Variants in C1orf21 observed in about 807,000 individuals in gnomAD.
C1orf21 encodes the protein chromosome 1 open reading frame 21.
C1orf21 carries 3 observed loss-of-function variants against 18.7 expected under a neutral mutation model. The ratio of observed to expected loss-of-function variants is 0.16; its 90% CI spans 0.07 to 0.42. The LOEUF is 0.42. Ranked by LOEUF, C1orf21 falls within the 10% of genes least tolerant of loss-of-function variation. C1orf21 has a pLI of 0.99. For missense variants in C1orf21, 104 were observed against 143.6 expected, an observed-to-expected ratio of 0.72 and a Z score of 1.41; for synonymous variants, 41 against 46.4, an observed-to-expected ratio of 0.88 and a Z score of 0.47.
chr1:184,520,554 C>G (rs181252550), intron 3 of C1orf21, among the ~76,000 whole-genome samples: 35 of 152,302 alleles, frequency 2.3e-4, no homozygotes, highest in Admixed American at 1.4e-3. Flanking sequence ...GAATCTCATT[C>G]TAATGATTCA....
chr1:184,399,121 C>T (rs1182861060), intron 1 of C1orf21, among the ~76,000 whole-genome samples: 3 of 152,132 alleles, frequency 2.0e-5, no homozygotes, highest in Admixed American at 6.6e-5. Flanking sequence ...GTCTTATTTA[C>T]AGGCTTTCTT....
intron 1 of C1orf21, among the ~76,000 whole-genome samples, chr1:184,467,585 G>T (rs1050562660): frequency 6.6e-6 from 1 of 152,162 alleles, no homozygotes; most frequent in Non-Finnish European, 1.5e-5. Flanking sequence ...CTTTCTGTCT[G>T]CATCCAGTCT....
intron 5 of C1orf21, among the ~76,000 whole-genome samples, chr1:184,618,643 C>CA (rs1235289328): frequency 2.7e-5 from 4 of 147,306 alleles, no homozygotes; most frequent in African/African-American, 7.4e-5. Flanking sequence ...CATTCCCCCC[C>CA]CCCAAGAAAA....
chr1:184,604,721 C>A (rs565603835), intron 5 of C1orf21, among the ~76,000 whole-genome samples: 113 of 152,266 alleles, frequency 7.4e-4, no homozygotes, highest in African/African-American at 2.5e-3. Flanking sequence ...GGTGTAGGAA[C>A]CACTGGTGAA....
intron 1 of C1orf21, among the ~76,000 whole-genome samples, chr1:184,413,325 C>T (rs1315894041): frequency 6.6e-6 from 1 of 152,162 alleles, no homozygotes; most frequent in East Asian, 1.9e-4. Context: ...TGAAGCTCAT[C>T]CTCACATCCC....
At chr1:184,567,405 A>G in intron 3 of C1orf21, 12 of 520,128 alleles carry the variant, frequency 2.3e-5, no homozygotes, top group South Asian at 1.7e-4. Context: ...ATCTTTAAAG[A>G]TCTCCTGGGC....
chr1:184,614,382 G>A (rs1265264311), intron 5 of C1orf21, among the ~76,000 whole-genome samples: 1 of 152,152 alleles, frequency 6.6e-6, no homozygotes, highest in Non-Finnish European at 1.5e-5. Flanking sequence ...AGAATACTCA[G>A]TTCACACTGA....
intron 3 of C1orf21, among the ~76,000 whole-genome samples, chr1:184,578,103 C>A (rs1299692393): frequency 4.6e-5 from 7 of 151,918 alleles, no homozygotes; most frequent in African/African-American, 1.2e-4. Context: ...ATTACAGGCG[C>A]CTGCCACCAT....
rs547945111 is a variant in C1orf21, at chr1:184,474,982, TAAC to T, written c.-124-2390_-124-2388del. ...AAAACAGCAGCAATAGCAGCAGCAATAACAACAACAACAACAGCAAAAGCAGAA... is the reference window on the plus strand; with the variant it reads ...AAAACAGCAGCAATAGCAGCAGCAATAACAACAACAACAGCAAAAGCAGAA... On this transcript the variant is annotated intron_variant, in intron 1 of 5. Transcript: ENST00000235307. Among the ~76,000 whole-genome samples, 10 of 152,020 alleles carry T rather than the reference TAAC, an allele frequency of 6.6e-5. No homozygotes were observed. The East Asian group carries it at 1.7e-3, about 26-fold the overall frequency.
chr1:184,573,600 C>T (rs1378239339), intron 3 of C1orf21, among the ~76,000 whole-genome samples: 1 of 152,058 alleles, frequency 6.6e-6, no homozygotes, highest in Non-Finnish European at 1.5e-5. Context: ...AGCATGTTTA[C>T]GTAAAATTAA....
chr1:184,409,800 A>G (rs756921982), intron 1 of C1orf21, among the ~76,000 whole-genome samples: 2 of 152,218 alleles, frequency 1.3e-5, no homozygotes, highest in Non-Finnish European at 2.9e-5. Flanking sequence ...GTTCTAGACT[A>G]TGCCTTCAGT....
At chr1:184,489,190 T>C (rs1569842) in intron 2 of C1orf21, among the ~76,000 whole-genome samples, 64,830 of 151,990 alleles carry the variant, frequency 0.43, 14,001 homozygotes, top group Admixed American at 0.49. Flanking sequence ...AGAATAATAT[T>C]TGCAATACAA....
At chr1:184,449,269 A>G (rs1210013058) in intron 1 of C1orf21, among the ~76,000 whole-genome samples, 1 of 138,058 alleles carries the variant, frequency 7.2e-6, no homozygotes. Flanking sequence ...CTCATTGTTC[A>G]GTTCCCACCT....
intron 5 of C1orf21, among the ~76,000 whole-genome samples, chr1:184,602,228 C>T (rs1659594096): frequency 6.6e-6 from 1 of 152,106 alleles, no homozygotes. Flanking sequence ...ACTTCAGGTC[C>T]TTTAACCAGG....
chr1:184,608,426 C>T (rs1016223232), intron 5 of C1orf21, among the ~76,000 whole-genome samples: 5 of 152,162 alleles, frequency 3.3e-5, no homozygotes, highest in African/African-American at 7.2e-5. Context: ...GGCTATGGGC[C>T]GTGGGCCCTG....
At chr1:184,503,077 CAAAAAAAA>C (rs199599189) in intron 2 of C1orf21, among the ~76,000 whole-genome samples, 39 of 61,620 alleles carry the variant, frequency 6.3e-4, no homozygotes, top group Admixed American at 1.5e-3. Flanking sequence ...GAAACTGTCT[CAAAAAAAA>C]AAAAAAAAAA....
chr1:184,514,491 G>T (rs923213150), intron 3 of C1orf21, among the ~76,000 whole-genome samples: 1 of 152,158 alleles, frequency 6.6e-6, no homozygotes, highest in Middle Eastern at 3.2e-3. Flanking sequence ...TTGGCAAAAT[G>T]TTGAAGTTTG....
At chr1:184,485,506 C>T (rs1394515345) in intron 2 of C1orf21, among the ~76,000 whole-genome samples, 1 of 152,096 alleles carries the variant, frequency 6.6e-6, no homozygotes, top group East Asian at 1.9e-4. Context: ...GTGAGAATTT[C>T]CTTCTCTTTC....
intron 1 of C1orf21, among the ~76,000 whole-genome samples, chr1:184,468,386 T>A (rs527836162): frequency 3.9e-4 from 59 of 152,248 alleles, no homozygotes; most frequent in African/African-American, 1.4e-3. Context: ...ATAATTTTAT[T>A]TATTTTATTA....
Sources: allele counts gnomAD v4.1 joint callset (sites outside exome capture counted in the v4.1 genomes callset), GRCh38; gene constraint gnomAD v4.1.1; transcripts MANE v1.5; gene names NCBI Gene and HGNC (gene_info 2026-07-23, HGNC 2026-07-21).